Variants in RYR2 observed in about 807,000 individuals in gnomAD.
RYR2 encodes the protein cardiac muscle ryanodine receptor-calcium release channel.
Under a neutral mutation model 601.1 loss-of-function variants are expected in RYR2, and 227 were observed. That is an observed-to-expected ratio of 0.38 (90% confidence interval 0.34 to 0.42). The LOEUF (loss-of-function observed/expected upper bound fraction) is 0.42. Among genes scored for constraint, RYR2 ranks in the 10% least tolerant of loss-of-function variants. The pLI is 1.00. For synonymous variants in RYR2, 2,223 were observed against 2,175.1 expected (o/e 1.02, Z -0.61); for missense variants, 4,646 against 6,156.5 (o/e 0.75, Z 8.21).
chr1:237,209,390 C>A (rs954535018), intron 1 of RYR2, among the ~76,000 whole-genome samples: 1 of 151,786 alleles, frequency 6.6e-6, no homozygotes, highest in African/African-American at 2.4e-5. Flanking sequence ...AATGATATAA[C>A]AGGTCTTTAC....
intron 1 of RYR2, among the ~76,000 whole-genome samples, chr1:237,224,726 G>A (rs925618992): frequency 1.3e-5 from 2 of 152,052 alleles, no homozygotes. Context: ...TAGGTGTGGT[G>A]ATACACACCT....
In RYR2 at chr1:237,270,538, A is replaced by G. The variant is rs1366634657; in HGVS notation, c.90A>G (p.Lys30=). The change falls in exon 2 of 105, where the codon AAA becomes AAG. Residue 30 remains lysine, a synonymous_variant. Transcript: ENST00000366574. The part of the protein sequence containing the change: ...VVLQCTATIH[K]EQQKLCLAAE... ...TGCAGTGCACCGCAACCATCCACAA[A>G]GAACAACAGAAGCTATGCTTGGCAG... 2 of 1,597,356 alleles carry G rather than the reference A, an allele frequency of 1.3e-6. No individual in the cohort carries two copies. The highest frequency in any genetic ancestry group is 1.7e-6 in the Non-Finnish European group (2 of 1,171,548).
chr1:237,155,554 A>C (rs769865294), intron 1 of RYR2, among the ~76,000 whole-genome samples: 1 of 152,192 alleles, frequency 6.6e-6, no homozygotes, highest in Non-Finnish European at 1.5e-5. Flanking sequence ...ATTGGAAACT[A>C]AAGGGAGATA....
chr1:237,248,282 GCC>G (rs1171897382), intron 1 of RYR2, among the ~76,000 whole-genome samples: 250 of 14,062 alleles, frequency 0.018, 21 homozygotes, highest in African/African-American at 0.041. Flanking sequence ...CCGCAACCCC[GCC>G]CCCCCCCCCC....
At chr1:237,744,802 T>A (rs1691933534) in intron 80 of RYR2, among the ~76,000 whole-genome samples, 1 of 128,686 alleles carries the variant, frequency 7.8e-6, no homozygotes. Flanking sequence ...CCTTTGTAAT[T>A]TTTTTTTTTT....
At chr1:237,507,820 C>G (rs982406563) in intron 23 of RYR2, among the ~76,000 whole-genome samples, 1 of 152,176 alleles carries the variant, frequency 6.6e-6, no homozygotes, top group Non-Finnish European at 1.5e-5. Flanking sequence ...TTTTCTAAGA[C>G]AGAATTTAGA....
intron 2 of RYR2, among the ~76,000 whole-genome samples, chr1:237,272,852 T>G (rs1689840342): frequency 6.6e-6 from 1 of 151,724 alleles, no homozygotes; most frequent in Non-Finnish European, 1.5e-5. Flanking sequence ...AATTCCAAAT[T>G]AAAGAAAAAC....
chr1:237,686,989 A>G (rs1686450024), intron 62 of RYR2, among the ~76,000 whole-genome samples: 1 of 152,222 alleles, frequency 6.6e-6, no homozygotes, highest in South Asian at 2.1e-4. Flanking sequence ...TAAAACTTAA[A>G]GTAACATTGT....
At chr1:237,363,912 G>A (rs1191479084) in intron 4 of RYR2, among the ~76,000 whole-genome samples, 1 of 152,098 alleles carries the variant, frequency 6.6e-6, no homozygotes, top group African/African-American at 2.4e-5. Context: ...ATTAGTTTAC[G>A]ATCTACCTTA....
chr1:237,656,571 T>C (rs1032252543), intron 53 of RYR2, among the ~76,000 whole-genome samples: 1 of 152,192 alleles, frequency 6.6e-6, no homozygotes, highest in African/African-American at 2.4e-5. Flanking sequence ...TTGTTGTCGT[T>C]ACTGTTTTTA....
intron 1 of RYR2, among the ~76,000 whole-genome samples, chr1:237,208,979 TA>T (rs369623142): frequency 1.5e-4 from 11 of 74,446 alleles, no homozygotes; most frequent in East Asian, 6.3e-4. Context: ...TATATATATA[TA>T]TATATGTATA....
At chr1:237,414,089 A>G (rs1019564319) in intron 10 of RYR2, among the ~76,000 whole-genome samples, 4 of 152,152 alleles carry the variant, frequency 2.6e-5, no homozygotes, top group Non-Finnish European at 4.4e-5. Context: ...TAAAAATCTG[A>G]TAACATTTTC....
chr1:237,478,644 A>C (rs998464168), intron 17 of RYR2, among the ~76,000 whole-genome samples: 1 of 150,622 alleles, frequency 6.6e-6, no homozygotes, highest in Non-Finnish European at 1.5e-5. Flanking sequence ...AGTCTCTTTA[A>C]ATATATTAAC....
chr1:237,565,911 A>G (rs1332054350), intron 27 of RYR2, among the ~76,000 whole-genome samples: 3 of 152,054 alleles, frequency 2.0e-5, no homozygotes, highest in Non-Finnish European at 2.9e-5. Context: ...CACTGGTCCT[A>G]ATGTTGGATG....
intron 1 of RYR2, among the ~76,000 whole-genome samples, chr1:237,237,923 T>C (rs371994173): frequency 1.7e-5 from 2 of 118,700 alleles, no homozygotes; most frequent in East Asian, 3.0e-4. Context: ...TCCTTTTCCC[T>C]TTCCCTTTCC....
At chr1:237,193,862 CT>C (rs151181903) in intron 1 of RYR2, among the ~76,000 whole-genome samples, 9,439 of 152,236 alleles carry the variant, frequency 0.062, 393 homozygotes, top group South Asian at 0.11. Context: ...ATCTCTGTCA[CT>C]TTTTTTCCTC....
chr1:237,173,185 T>G (rs945865558), intron 1 of RYR2, among the ~76,000 whole-genome samples: 6 of 152,140 alleles, frequency 3.9e-5, no homozygotes, highest in African/African-American at 9.7e-5. Context: ...TTTTTTTTTT[T>G]TATCAGCTTA....
At chr1:237,827,364 A>C (rs575276646) in intron 101 of RYR2, among the ~76,000 whole-genome samples, 1 of 152,264 alleles carries the variant, frequency 6.6e-6, no homozygotes, top group African/African-American at 2.4e-5. Context: ...GCCTGGCACC[A>C]TGGCTCATGC....
intron 3 of RYR2, among the ~76,000 whole-genome samples, chr1:237,334,014 T>C (rs1697007549): frequency 6.6e-6 from 1 of 152,192 alleles, no homozygotes; most frequent in South Asian, 2.1e-4. Context: ...CTTACGTAAT[T>C]CAGTAAATTA....
Sources: gnomAD v4.1 joint callset for allele counts (sites outside exome capture counted in the v4.1 genomes callset) on GRCh38, gnomAD v4.1.1 for gene constraint, MANE v1.5 for transcripts, NCBI Gene and HGNC (gene_info 2026-07-23, HGNC 2026-07-21) for gene names.